SORCS1: variants seen among roughly 807,000 people sequenced by gnomAD.
SORCS1 encodes the protein VPS10 domain-containing receptor SorCS1.
SORCS1 carries 60 observed loss-of-function variants against 146.1 expected under a neutral mutation model. The observed-to-expected ratio is 0.41, with a 90% CI of 0.33 to 0.51. SORCS1 has a LOEUF of 0.51. Ranked by LOEUF, SORCS1 falls within the 20% of genes least tolerant of loss-of-function variation. SORCS1 has a pLI of 0.21. For synonymous variants in SORCS1, 637 were observed against 584.0 expected (o/e 1.09, Z -1.31); for missense variants, 1,352 against 1,487.6 (o/e 0.91, Z 1.50).
intron 1 of SORCS1, among the ~76,000 whole-genome samples, chr10:107,086,283 T>G (rs1258322024): frequency 6.6e-6 from 1 of 152,170 alleles, no homozygotes; most frequent in African/African-American, 2.4e-5. Flanking sequence ...TCTCAAAGCT[T>G]GGAAGTGAGC....
At chr10:106,850,223 C>T (rs1364039788) in intron 2 of SORCS1, among the ~76,000 whole-genome samples, 1 of 152,032 alleles carries the variant, frequency 6.6e-6, no homozygotes, top group African/African-American at 2.4e-5. Context: ...GACTGCTGTG[C>T]TAGCAATCAG....
At chr10:106,738,159 T>G (rs549268483) in intron 5 of SORCS1, among the ~76,000 whole-genome samples, 1 of 152,324 alleles carries the variant, frequency 6.6e-6, no homozygotes, top group Non-Finnish European at 1.5e-5. Flanking sequence ...TTGTAGTCAC[T>G]TTTGGTAGAG....
chr10:106,786,056 G>T (rs1946040276), intron 3 of SORCS1, among the ~76,000 whole-genome samples: 1 of 152,144 alleles, frequency 6.6e-6, no homozygotes, highest in Non-Finnish European at 1.5e-5. Context: ...GTTTTATGAA[G>T]ATGATTTTTT....
chr10:106,764,909 G>A (rs1211844190), intron 4 of SORCS1, among the ~76,000 whole-genome samples: 2 of 151,504 alleles, frequency 1.3e-5, no homozygotes, highest in African/African-American at 4.9e-5. Context: ...TGTAGTCCCA[G>A]CTACTCGGGA....
chr10:107,078,263 G>A (rs112525397), intron 1 of SORCS1, among the ~76,000 whole-genome samples: 34 of 152,112 alleles, frequency 2.2e-4, no homozygotes, highest in African/African-American at 7.7e-4. Context: ...AGTAAAAGGA[G>A]GTTCCATGCT....
At chr10:107,085,663 A>G (rs1177191580) in intron 1 of SORCS1, among the ~76,000 whole-genome samples, 1 of 151,514 alleles carries the variant, frequency 6.6e-6, no homozygotes, top group Non-Finnish European at 1.5e-5. Flanking sequence ...GAGAGCATTT[A>G]CTCCAGCTCA....
At chr10:106,675,242 T>C in intron 13 of SORCS1, 86 bp from the exon 14 acceptor site, 3 of 927,638 alleles carry the variant, frequency 3.2e-6, no homozygotes, top group Non-Finnish European at 3.3e-6. Flanking sequence ...AACCCAGAGA[T>C]AATACATTTT....
At chr10:106,792,823 T>C (rs929798397) in intron 3 of SORCS1, among the ~76,000 whole-genome samples, 15 of 152,194 alleles carry the variant, frequency 9.9e-5, no homozygotes, top group African/African-American at 3.1e-4. Context: ...TTAATGAATA[T>C]AATAAATATT....
chr10:107,001,651 A>G (rs1051852793), intron 1 of SORCS1, among the ~76,000 whole-genome samples: 11 of 152,176 alleles, frequency 7.2e-5, no homozygotes, highest in Non-Finnish European at 1.6e-4. Flanking sequence ...TTTAGCAGAG[A>G]CAGGGTTTCA....
intron 3 of SORCS1, among the ~76,000 whole-genome samples, chr10:106,778,556 C>T (rs559855330): frequency 1.2e-4 from 18 of 152,272 alleles, no homozygotes; most frequent in African/African-American, 4.3e-4. Flanking sequence ...CCTAAATTCA[C>T]AGGAATATTT....
chr10:106,775,725 T>C (rs1860382138), intron 4 of SORCS1, among the ~76,000 whole-genome samples: 1 of 152,238 alleles, frequency 6.6e-6, no homozygotes. Context: ...TTTCACCAAT[T>C]ATCCCTCTGG....
At chr10:106,654,161 A>G (rs1352990412) in intron 17 of SORCS1, among the ~76,000 whole-genome samples, 4 of 152,210 alleles carry the variant, frequency 2.6e-5, no homozygotes, top group African/African-American at 9.6e-5. Context: ...TTCCCTGAAT[A>G]TAAGAGTAAA....
At chr10:106,687,635 A>C (rs760615912) in intron 10 of SORCS1, among the ~76,000 whole-genome samples, 11 of 152,228 alleles carry the variant, frequency 7.2e-5, no homozygotes, top group Admixed American at 6.5e-5. Flanking sequence ...CACAGGCTAT[A>C]GTTTGCCAAC....
chr10:107,064,774 T>C (rs1381195438), intron 1 of SORCS1, among the ~76,000 whole-genome samples: 2 of 152,238 alleles, frequency 1.3e-5, no homozygotes, highest in Admixed American at 1.3e-4. Context: ...ACATGCCTAC[T>C]AGTCCTGGAA....
At chr10:106,719,428 T>C (rs900739079) in intron 6 of SORCS1, among the ~76,000 whole-genome samples, 1 of 151,774 alleles carries the variant, frequency 6.6e-6, no homozygotes, top group African/African-American at 2.4e-5. Context: ...CTTTTTTTTT[T>C]TTTTTGATGG....
chr10:106,664,049 C>T (rs557784369), intron 17 of SORCS1, among the ~76,000 whole-genome samples: 6 of 152,250 alleles, frequency 3.9e-5, no homozygotes, highest in Admixed American at 1.3e-4. Context: ...ACAGACGAAA[C>T]CAGTGGACGT....
intron 1 of SORCS1, among the ~76,000 whole-genome samples, chr10:106,995,936 T>C (rs1429831307): frequency 6.6e-6 from 1 of 152,056 alleles, no homozygotes; most frequent in African/African-American, 2.4e-5. Flanking sequence ...ATTAAAAGAA[T>C]GTAGAAATGA....
intron 3 of SORCS1, among the ~76,000 whole-genome samples, chr10:106,817,868 G>A (rs1466411900): frequency 6.6e-6 from 1 of 152,204 alleles, no homozygotes; most frequent in African/African-American, 2.4e-5. Context: ...ATGACTTTGT[G>A]TTATGCTGAT....
rs1852730291 is a variant in SORCS1 at position 106,685,157 on chromosome 10, C to T, written c.1560+3035G>A. Among the ~76,000 whole-genome samples, 11 of 152,178 alleles carry T rather than the reference C, an allele frequency of 7.2e-5. 1 individual carries two copies. Among genetic ancestry groups the T allele is most frequent in the Admixed American group, 7.2e-4 (11 of 15,276 alleles). ...GAGCTTCAGAAGGTAGAAAATGTGA[C>T]AAATCCTCCAGTGGACTCTCAGAGG... On this transcript the variant is annotated intron_variant, in intron 10 of 25. Coordinates refer to ENST00000263054, the MANE Select transcript of SORCS1 (RefSeq NM_052918.5).
Sources: allele counts gnomAD v4.1 joint callset (sites outside exome capture counted in the v4.1 genomes callset), GRCh38; gene constraint gnomAD v4.1.1; transcripts MANE v1.5; gene names NCBI Gene and HGNC (gene_info 2026-07-23, HGNC 2026-07-21).